Variants in OR52N4 observed in about 807,000 individuals in gnomAD.
OR52N4 encodes olfactory receptor family 52 subfamily N member 4.
A neutral mutation model predicts 15.0 loss-of-function variants in OR52N4; 15 were observed. The ratio of observed to expected loss-of-function variants is 1.00; its 90% CI spans 0.67 to 1.54. OR52N4 has a LOEUF of 1.54. Among genes scored for constraint, OR52N4 ranks in the 40% most tolerant of loss-of-function variants. The pLI is 0.00. For missense variants in OR52N4, 421 were observed against 394.0 expected, an observed-to-expected ratio of 1.07 and a Z score of -0.58; for synonymous variants, 143 against 143.7, an observed-to-expected ratio of 1.00 and a Z score of 0.03.
At chr11:5,744,943 A>C in the OR52N4 span, among the ~76,000 whole-genome samples, 15 of 152,106 alleles carry the variant, frequency 9.9e-5, no homozygotes, top group African/African-American at 3.6e-4. Flanking sequence ...ACAAACAAAA[A>C]ACATATAATC....
the OR52N4 span, among the ~76,000 whole-genome samples, chr11:5,735,408 G>A: frequency 7.2e-5 from 11 of 151,936 alleles, no homozygotes; most frequent in Admixed American, 5.9e-4. Context: ...TAATAATAAA[G>A]TATTGTATTT....
At chr11:5,754,112 C>A (rs1294299830), upstream of OR52N4, 1 of 150,016 alleles carries the variant, frequency 6.7e-6, no homozygotes, top group African/African-American at 2.4e-5. Context: ...TTAAAATATA[C>A]AATTAAATTA....
the OR52N4 span, among the ~76,000 whole-genome samples, chr11:5,745,439 C>T: frequency 3.0e-4 from 45 of 152,202 alleles, no homozygotes; most frequent in South Asian, 1.2e-3. Flanking sequence ...AACTCAATTT[C>T]ATTAACAATA....
Position 5,755,527 on chromosome 11 carries a change from T to A in OR52N4, c.787T>A (p.Ser263Thr), listed in dbSNP as rs773675652. ...TACTCCAGCTTTCTTCTCCTTCTTT[T>A]CCCACCGCTTTGGGGAACACATAAT... is the stretch of plus-strand genomic sequence containing the variant. ...SYTPAFFSFF[S>T]HRFGEHIIPP... is the part of the protein sequence containing the mutation. Residue 263 changes from serine to threonine, a missense_variant, in exon 2 of 2, where the codon TCC (serine) becomes ACC (threonine). Physicochemically the swap from Ser to Thr is moderately conservative, Grantham distance 58. Coordinates refer to ENST00000641350, the MANE Select transcript of OR52N4 (RefSeq NM_001005175.5). The A allele has an allele frequency of 1.1e-5, 18 of 1,613,814 alleles. No homozygotes were observed. The highest frequency in any genetic ancestry group is 1.4e-5 in the Non-Finnish European group (17 of 1,179,852).
At chr11:5,734,703 G>A in the OR52N4 span, among the ~76,000 whole-genome samples, 1 of 152,018 alleles carries the variant, frequency 6.6e-6, no homozygotes, top group African/African-American at 2.4e-5. Context: ...AGTAATAAAT[G>A]AGTATTAAGT....
the OR52N4 span, chr11:5,737,731 TA>T: frequency 2.6e-6 from 1 of 388,576 alleles, no homozygotes; most frequent in Admixed American, 4.1e-5. Flanking sequence ...AAATTGGATT[TA>T]AAGAACTTAA....
chr11:5,729,100 A>G, the OR52N4 span, among the ~76,000 whole-genome samples: 3 of 140,678 alleles, frequency 2.1e-5, no homozygotes, highest in Admixed American at 2.2e-4. Flanking sequence ...CATGTATCTA[A>G]TCCTTAAATT....
At position 5,755,821 on chromosome 11, in the gene OR52N4, T is replaced by C. The variant is rs1290356854; in HGVS notation, c.*115T>C. 8.0e-7 allele frequency: 1 copy of C among 1,251,338 alleles called. No individual in the cohort carries two copies. Among genetic ancestry groups the C allele is most frequent in the Non-Finnish European group, 1.1e-6 (1 of 918,226 alleles). 77.5% of individuals were successfully genotyped at this position (1,251,338 alleles called of 1,614,324 possible). ...TGTATTGATCACAAAATGGAGTTTG[T>C]TAACTGGTGCATTCTCAATAAGTAC... On this transcript the variant is annotated 3_prime_UTR_variant, in exon 2 of 2. Coordinates refer to ENST00000641350, the MANE Select transcript of OR52N4 (RefSeq NM_001005175.5).
At chr11:5,732,586 G>T in the OR52N4 span, among the ~76,000 whole-genome samples, 2 of 151,912 alleles carry the variant, frequency 1.3e-5, no homozygotes, top group African/African-American at 4.8e-5. Flanking sequence ...GTTATTTTCG[G>T]TCTCTTTTTC....
the OR52N4 span, among the ~76,000 whole-genome samples, chr11:5,746,431 G>A: frequency 6.6e-6 from 1 of 152,044 alleles, no homozygotes. Context: ...TCATCTACAA[G>A]GAACTCAAGC....
the OR52N4 span, among the ~76,000 whole-genome samples, chr11:5,731,685 A>G: frequency 4.3e-4 from 66 of 152,196 alleles, no homozygotes; most frequent in South Asian, 0.012. Flanking sequence ...CATTCTTCCA[A>G]TTTGAGGTAG....
At position 5,754,738 on chromosome 11, in the gene OR52N4, A is replaced by G. The variant is rs746257299; in HGVS notation, c.-3A>G. ...AGCTATTTCATAACCTACCAGACTT[A>G]TCATGCTAACACTGAATAAAACAGA... On this transcript the variant is annotated 5_prime_UTR_variant, in exon 2 of 2. Coordinates refer to ENST00000641350, the MANE Select transcript of OR52N4 (RefSeq NM_001005175.5). 1 of 1,606,136 alleles carries G rather than the reference A, an allele frequency of 6.2e-7. No homozygotes were observed. Among genetic ancestry groups the G allele is most frequent in the East Asian group, 2.3e-5 (1 of 43,454 alleles).
At chr11:5,737,417 G>A in the OR52N4 span, 1 of 1,613,968 alleles carries the variant, frequency 6.2e-7, no homozygotes, top group East Asian at 2.2e-5. Flanking sequence ...TACAGTTTAT[G>A]CACTTCAGAC....
chr11:5,732,644 T>C, the OR52N4 span, among the ~76,000 whole-genome samples: 15 of 152,182 alleles, frequency 9.9e-5, no homozygotes, highest in African/African-American at 3.4e-4. Flanking sequence ...AGAAACTACA[T>C]GCTAGACCAC....
chr11:5,728,064 A>T, the OR52N4 span, among the ~76,000 whole-genome samples: 3 of 152,228 alleles, frequency 2.0e-5, no homozygotes, highest in Non-Finnish European at 4.4e-5. Context: ...AGGGCACAAG[A>T]GAGGTTAGGA....
chr11:5,727,911 T>C, the OR52N4 span, among the ~76,000 whole-genome samples: 1 of 152,104 alleles, frequency 6.6e-6, no homozygotes, highest in Non-Finnish European at 1.5e-5. Flanking sequence ...CCGCAAAAAA[T>C]TTATCATGCT....
chr11:5,736,426 T>G, the OR52N4 span: 1 of 1,107,130 alleles, frequency 9.0e-7, no homozygotes, highest in East Asian at 2.4e-5. Flanking sequence ...AAGAAAGGCT[T>G]AGAAAAATAC....
the OR52N4 span, chr11:5,737,503 A>G: frequency 1.9e-6 from 3 of 1,595,418 alleles, no homozygotes; most frequent in East Asian, 4.5e-5. Flanking sequence ...GACCTTCTCC[A>G]TGATGTACAT....
At chr11:5,739,349 G>T in the OR52N4 span, among the ~76,000 whole-genome samples, 2 of 126,016 alleles carry the variant, frequency 1.6e-5, no homozygotes, top group Admixed American at 1.5e-4. Context: ...AGGAGTTTGA[G>T]ACCAGCCTGG....
Sources: gnomAD v4.1 joint callset for allele counts (sites outside exome capture counted in the v4.1 genomes callset) on GRCh38, gnomAD v4.1.1 for gene constraint, MANE v1.5 for transcripts, NCBI Gene and HGNC (gene_info 2026-07-23, HGNC 2026-07-21) for gene names.